SCHIP1: variants seen among roughly 807,000 people sequenced by gnomAD.
SCHIP1 encodes schwannomin interacting protein 1.
Under a neutral mutation model 29.7 loss-of-function variants are expected in SCHIP1, and 8 were observed. The ratio of observed to expected loss-of-function variants is 0.27; its 90% CI spans 0.16 to 0.49. The LOEUF is 0.49. Ranked by LOEUF, SCHIP1 falls within the 20% of genes least tolerant of loss-of-function variation. The pLI, the probability that SCHIP1 is intolerant of heterozygous loss-of-function variation, is 0.99. For synonymous variants in SCHIP1, 76 were observed against 94.9 expected (o/e 0.80, Z 1.16); for missense variants, 193 against 294.6 (o/e 0.66, Z 2.52).
At chr3:159,891,018 G>A (rs62270410) in intron 5 of SCHIP1, among the ~76,000 whole-genome samples, 6,374 of 152,210 alleles carry the variant, frequency 0.042, 183 homozygotes, top group Non-Finnish European at 0.065. Context: ...GCCTTTGCTT[G>A]TTCATGTTTT....
chr3:159,641,539 T>A, the SCHIP1 span, among the ~76,000 whole-genome samples: 40 of 152,264 alleles, frequency 2.6e-4, no homozygotes, highest in East Asian at 7.5e-3. Context: ...TTTTCAAATG[T>A]TCATTTGAAA....
the SCHIP1 span, among the ~76,000 whole-genome samples, chr3:159,340,754 A>AT: frequency 2.0e-5 from 3 of 151,902 alleles, no homozygotes; most frequent in South Asian, 4.2e-4. Context: ...CATGAGTCAC[A>AT]TTTTTTTGCT....
chr3:159,546,664 C>T, the SCHIP1 span, among the ~76,000 whole-genome samples: 1 of 152,160 alleles, frequency 6.6e-6, no homozygotes, highest in African/African-American at 2.4e-5. Context: ...TGAGTGAGAA[C>T]ATGTGGTGTT....
At chr3:159,637,368 C>T in the SCHIP1 span, among the ~76,000 whole-genome samples, 6 of 129,456 alleles carry the variant, frequency 4.6e-5, no homozygotes, top group African/African-American at 2.0e-4. Flanking sequence ...ACCCCGGCCC[C>T]AGCCACACAC....
chr3:159,648,086 G>T, the SCHIP1 span, among the ~76,000 whole-genome samples: 1 of 152,158 alleles, frequency 6.6e-6, no homozygotes, highest in African/African-American at 2.4e-5. Flanking sequence ...GAAGGAGGCT[G>T]CAAGAGCTTC....
At chr3:159,668,835 A>T in the SCHIP1 span, among the ~76,000 whole-genome samples, 27 of 152,212 alleles carry the variant, frequency 1.8e-4, no homozygotes, top group Non-Finnish European at 2.8e-4. Context: ...CTTTTCAAAT[A>T]AAAGTGTTAT....
At chr3:159,765,309 C>T in the SCHIP1 span, 1 of 767,412 alleles carries the variant, frequency 1.3e-6, no homozygotes, top group Non-Finnish European at 2.0e-6. Context: ...GATAAGGTTG[C>T]TCGGTCTGTG....
At chr3:159,561,298 G>A in the SCHIP1 span, among the ~76,000 whole-genome samples, 1 of 152,160 alleles carries the variant, frequency 6.6e-6, no homozygotes, top group African/African-American at 2.4e-5. Flanking sequence ...TTTTATAAGA[G>A]GCTAATGAAA....
At chr3:159,896,621 A>G (rs1223916243) in intron 6 of SCHIP1, 102 bp from the exon 8 acceptor site, 2 of 1,160,576 alleles carry the variant, frequency 1.7e-6, no homozygotes, top group Admixed American at 2.8e-5. Flanking sequence ...TTTCACTGTC[A>G]GTAACTCTGA....
chr3:159,675,326 A>C, the SCHIP1 span, among the ~76,000 whole-genome samples: 3 of 152,236 alleles, frequency 2.0e-5, no homozygotes, highest in Non-Finnish European at 4.4e-5. Flanking sequence ...CCTGCAAATT[A>C]AGAAAAAATA....
chr3:159,680,769 G>T, the SCHIP1 span, among the ~76,000 whole-genome samples: 3 of 37,012 alleles, frequency 8.1e-5, no homozygotes, highest in Non-Finnish European at 2.0e-4. Flanking sequence ...CCTCACCTAT[G>T]GGCAAAGTTA....
At chr3:159,431,306 G>T in the SCHIP1 span, among the ~76,000 whole-genome samples, 2 of 151,940 alleles carry the variant, frequency 1.3e-5, no homozygotes, top group Non-Finnish European at 2.9e-5. Context: ...GTGTGGTGGG[G>T]GAGTGCTCAA....
At chr3:159,463,741 G>GATATATATAT in the SCHIP1 span, among the ~76,000 whole-genome samples, 14 of 149,434 alleles carry the variant, frequency 9.4e-5, no homozygotes, top group Admixed American at 3.3e-4. Flanking sequence ...AACAGAATGA[G>GATATATATAT]ATATATATAT....
the SCHIP1 span, among the ~76,000 whole-genome samples, chr3:159,407,981 A>G: frequency 2.6e-5 from 4 of 152,342 alleles, no homozygotes; most frequent in Admixed American, 2.0e-4. Flanking sequence ...CTAGAAAAGC[A>G]AGAGCAAAGC....
At chr3:159,457,203 TA>T in the SCHIP1 span, among the ~76,000 whole-genome samples, 1 of 152,170 alleles carries the variant, frequency 6.6e-6, no homozygotes, top group South Asian at 2.1e-4. Flanking sequence ...CTTCCTCATT[TA>T]AAAAGGAGAT....
the SCHIP1 span, among the ~76,000 whole-genome samples, chr3:159,381,612 CT>C: frequency 7.1e-4 from 105 of 148,238 alleles, no homozygotes; most frequent in African/African-American, 2.1e-3. Context: ...TTTTCTTCTT[CT>C]TTTTTTTTTG....
the SCHIP1 span, among the ~76,000 whole-genome samples, chr3:159,310,620 T>C: frequency 6.6e-6 from 1 of 152,144 alleles, no homozygotes; most frequent in Non-Finnish European, 1.5e-5. Context: ...GGGGTTTTTA[T>C]GGACAGACTG....
At chr3:159,588,362 T>TA in the SCHIP1 span, among the ~76,000 whole-genome samples, 2 of 152,208 alleles carry the variant, frequency 1.3e-5, no homozygotes, top group African/African-American at 4.8e-5. Flanking sequence ...GATTCTGGTA[T>TA]TAGCCCTTTG....
At chr3:159,461,317 C>T in the SCHIP1 span, among the ~76,000 whole-genome samples, 4 of 152,084 alleles carry the variant, frequency 2.6e-5, no homozygotes, top group African/African-American at 4.8e-5. Flanking sequence ...TACCACTTAA[C>T]TGCTCACCTT....
Sources: gnomAD v4.1 joint callset for allele counts (sites outside exome capture counted in the v4.1 genomes callset) on GRCh38, gnomAD v4.1.1 for gene constraint, MANE v1.5 for transcripts, NCBI Gene and HGNC (gene_info 2026-07-23, HGNC 2026-07-21) for gene names.